The following ASXL3 variants were observed in gnomAD, a reference collection of about 807,000 sequenced individuals.
ASXL3 encodes putative Polycomb group protein ASXL3.
ASXL3 carries 34 observed loss-of-function variants against 170.6 expected under a neutral mutation model. The ratio of observed to expected loss-of-function variants is 0.20; its 90% CI spans 0.15 to 0.27. The LOEUF is 0.27. ASXL3 is among the 10% of genes least tolerant of loss of function. The probability of loss-of-function intolerance (pLI) is 1.00; values close to 1 mark genes in which losing one functional copy is unlikely to be tolerated. For synonymous variants in ASXL3, 1,002 were observed against 989.1 expected, an observed-to-expected ratio of 1.01 and a Z score of -0.24; for missense variants, 2,592 against 2,695.3, an observed-to-expected ratio of 0.96 and a Z score of 0.85.
At chr18:33,639,521 C>G (rs2065816608) in intron 2 of ASXL3, among the ~76,000 whole-genome samples, 1 of 152,082 alleles carries the variant, frequency 6.6e-6, no homozygotes, top group South Asian at 2.1e-4. Context: ...CACCTCACCT[C>G]CTATTTTAGT....
intron 8 of ASXL3, among the ~76,000 whole-genome samples, chr18:33,713,380 C>T (rs1436962601): frequency 6.7e-6 from 1 of 149,482 alleles, no homozygotes; most frequent in African/African-American, 2.5e-5. Context: ...GCCTCAGCCT[C>T]CTCAGTAGCT....
rs1336769342 is a variant in ASXL3 at position 33,743,560 on chromosome 18, G to A, written c.3712G>A (p.Val1238Ile). ...GCTTTTTAATAAAAATTCTGTCCCT[G>A]TATCTGTTTGCAGCACTGCTATATC... is the stretch of plus-strand genomic sequence containing the variant. ...PMLFNKNSVP[V>I]SVCSTAISGA... The change falls in exon 12 of 12, where the codon GTA (valine) becomes ATA (isoleucine). Residue 1238 changes from valine (V) to isoleucine (I), a missense_variant. Coordinates refer to ENST00000269197, the MANE Select transcript of ASXL3 (RefSeq NM_030632.3). The A allele has an allele frequency of 6.2e-7, 1 of 1,613,074 alleles. No homozygotes were observed. The highest frequency in any genetic ancestry group is 8.5e-7 in the Non-Finnish European group (1 of 1,179,864).
chr18:33,636,305 TCAACAA>T (rs367963281), intron 2 of ASXL3, among the ~76,000 whole-genome samples: 6 of 110,742 alleles, frequency 5.4e-5, no homozygotes, highest in African/African-American at 1.1e-4. Context: ...AACCACTGAT[TCAACAA>T]CAACAACAAC....
In ASXL3 at chr18:33,749,510, C is replaced by T. The variant is rs1364470617; in HGVS notation, c.*2915C>T. ...TTTTGGAGCAGGGGAAGGAAGAAAACTGCTATTCCCTAATCCTCCTCCTAT... is the reference window on the plus strand; with the variant it reads ...TTTTGGAGCAGGGGAAGGAAGAAAATTGCTATTCCCTAATCCTCCTCCTAT... On this transcript the variant is annotated 3_prime_UTR_variant, in exon 12 of 12. Coordinates refer to ENST00000269197, the MANE Select transcript of ASXL3 (RefSeq NM_030632.3). 1 of 151,588 alleles carries T rather than the reference C, an allele frequency of 6.6e-6. No individual in the cohort carries two copies. The highest frequency in any genetic ancestry group is 1.5e-5 in the Non-Finnish European group (1 of 67,960). 9.4% of individuals were successfully genotyped at this position (151,588 alleles called of 1,614,324 possible).
At chr18:33,688,278 A>G (rs1360584825) in intron 8 of ASXL3, among the ~76,000 whole-genome samples, 1 of 152,206 alleles carries the variant, frequency 6.6e-6, no homozygotes, top group Non-Finnish European at 1.5e-5. Flanking sequence ...AGATACTGTA[A>G]AAATCTGTTT....
chr18:33,724,574 G>C lies in ASXL3; in HGVS notation c.880-7394G>C, dbSNP rs147693543. On this transcript the variant is annotated intron_variant, in intron 8 of 11. Coordinates refer to ENST00000269197, the MANE Select transcript of ASXL3 (RefSeq NM_030632.3). ...CTATTCTGGGGAATAGTTGTTCTAT[G>C]AGATACTGATGGTTGTTCTGTGAGA... Among the ~76,000 whole-genome samples the C allele has an allele frequency of 5.9e-4, 90 of 152,128 alleles. 2 individuals are homozygous for C. The East Asian group carries it at 0.016, about 28-fold the overall frequency.
In ASXL3 at chr18:33,702,084, G is replaced by A. The variant is rs372091684; in HGVS notation, c.879+18516G>A. 1.8e-4 allele frequency among the ~76,000 whole-genome samples: 28 copies of A among 151,942 alleles called. No individual in the cohort carries two copies. In the East Asian group the frequency reaches 3.9e-3, roughly 21 times the overall value. On this transcript the variant is annotated intron_variant, in intron 8 of 11. Coordinates refer to ENST00000269197, the MANE Select transcript of ASXL3 (RefSeq NM_030632.3). ...GTTGCTCTCTCTTTATTGATGTTCC[G>A]TATTTGGTGAGACACTGTCATTATA...
chr18:33,632,869 C>T (rs1463098364), intron 2 of ASXL3, among the ~76,000 whole-genome samples: 1 of 152,124 alleles, frequency 6.6e-6, no homozygotes, highest in African/African-American at 2.4e-5. Context: ...TCCTCTGGGG[C>T]TCTCTATCAT....
chr18:33,653,996 T>G (rs978631889), intron 4 of ASXL3, among the ~76,000 whole-genome samples: 1 of 152,030 alleles, frequency 6.6e-6, no homozygotes, highest in Non-Finnish European at 1.5e-5. Context: ...TTTAGAGACC[T>G]CTTTTTCTTA....
At chr18:33,655,729 G>T (rs528414167) in intron 4 of ASXL3, among the ~76,000 whole-genome samples, 1 of 152,126 alleles carries the variant, frequency 6.6e-6, no homozygotes, top group Non-Finnish European at 1.5e-5. Context: ...TTTTCTGGCT[G>T]TATATATCCA....
In ASXL3 at chr18:33,745,914, T is replaced by TCCCCCCCCCCCCCCC; in HGVS notation, c.6071_6072insCCCCCCCCCCCCCCC (p.Pro2024_Pro2028dup). 7.5e-7 allele frequency: 1 copy of TCCCCCCCCCCCCCCC among 1,339,480 alleles called. No individual in the cohort carries two copies. Among genetic ancestry groups the TCCCCCCCCCCCCCCC allele is most frequent in the South Asian group, 1.3e-5 (1 of 79,278 alleles). The allele number at this position is 1,339,480 out of a possible 1,614,324, so 83.0% of individuals were successfully genotyped here. ...TAGTACATCCGCCGCCGCCACCGCC[T>TCCCCCCCCCCCCCCC]CCCCCTCCCCCTCCACCCTTGGCTT... is the stretch of plus-strand genomic sequence containing the variant. On this transcript the variant is annotated inframe_insertion, in exon 12 of 12. Coordinates refer to ENST00000269197, the MANE Select transcript of ASXL3 (RefSeq NM_030632.3).
rs575410542 is a variant in ASXL3, at chr18:33,692,967, G to A, written c.879+9399G>A. On this transcript the variant is annotated intron_variant, in intron 8 of 11. Coordinates refer to ENST00000269197, the MANE Select transcript of ASXL3 (RefSeq NM_030632.3). ...TTTAAGATAAAGGTGCCAGCATGGT[G>A]GGATTCTCCTGAGGCCTCTCTCCTT... 1.2e-4 allele frequency among the ~76,000 whole-genome samples: 18 copies of A among 152,266 alleles called. No individual in the cohort carries two copies. In the East Asian group the frequency reaches 3.5e-3, roughly 29 times the overall value.
chr18:33,740,367 C>T lies in ASXL3; in HGVS notation c.2963C>T (p.Thr988Ile), dbSNP rs1343578666. ...GCTAGGATAGAAGATGATCAGTCAA[C>T]CCGGAACATATCATCTAGCAGCCCA... is the stretch of plus-strand genomic sequence containing the variant. ...KRARIEDDQS[T>I]RNISSSSPPE... The change falls in exon 11 of 12, where the codon ACC becomes ATC. Residue 988 changes from threonine to isoleucine, a missense_variant. Thr to Ile is a moderately conservative substitution (Grantham distance 89, BLOSUM62 -1). Transcript: ENST00000269197. The T allele has an allele frequency of 1.2e-6, 2 of 1,609,982 alleles. No homozygotes were observed. The highest frequency in any genetic ancestry group is 3.4e-5 in the Admixed American group (2 of 59,212).
chr18:33,634,681 T>C (rs1353459678), intron 2 of ASXL3, among the ~76,000 whole-genome samples: 1 of 152,164 alleles, frequency 6.6e-6, no homozygotes, highest in Non-Finnish European at 1.5e-5. Flanking sequence ...CAGTTTATGC[T>C]CTCACTGGAG....
intron 1 of ASXL3, among the ~76,000 whole-genome samples, chr18:33,594,229 C>G (rs1488733782): frequency 1.3e-5 from 2 of 152,168 alleles, no homozygotes; most frequent in Admixed American, 6.5e-5. Flanking sequence ...TGGGAAAAAT[C>G]TAAGTAAGAC....
chr18:33,746,101 T>G lies in ASXL3; in HGVS notation c.6253T>G (p.Ser2085Ala). Residue 2085 changes from serine to alanine, a missense_variant, in exon 12 of 12, where the codon TCT (serine) becomes GCT (alanine). Ser to Ala is a moderately conservative substitution (Grantham distance 99, BLOSUM62 1). Coordinates refer to ENST00000269197, the MANE Select transcript of ASXL3 (RefSeq NM_030632.3). ...ICSNIKSEPL[S>A]FEEGLSSSCE... The stretch of plus-strand genomic sequence containing the variant: ...TAGCAATATAAAATCGGAACCTCTT[T>G]CTTTTGAGGAAGGTTTAAGCAGCAG... 1 of 1,613,618 alleles carries G rather than the reference T, an allele frequency of 6.2e-7. No individual in the cohort carries two copies. The highest frequency in any genetic ancestry group is 8.5e-7 in the Non-Finnish European group (1 of 1,179,864).
chr18:33,676,977 T>C (rs1568321960), intron 7 of ASXL3, among the ~76,000 whole-genome samples: 1 of 152,244 alleles, frequency 6.6e-6, no homozygotes, highest in Non-Finnish European at 1.5e-5. Flanking sequence ...CTAACTAAAA[T>C]GTAAGTTCCT....
At chr18:33,630,398 T>C (rs1425682265) in intron 2 of ASXL3, among the ~76,000 whole-genome samples, 3 of 151,556 alleles carry the variant, frequency 2.0e-5, no homozygotes, top group Non-Finnish European at 4.4e-5. Flanking sequence ...TTTTTTTTTC[T>C]AGAAAGCTTA....
intron 1 of ASXL3, among the ~76,000 whole-genome samples, chr18:33,603,507 ATGTATATGTCTT>A (rs2065207702): frequency 6.6e-6 from 1 of 151,976 alleles, no homozygotes; most frequent in African/African-American, 2.4e-5. Flanking sequence ...AACTGTATGA[ATGTATATGTCTT>A]TGAGATAGGC....
Sources: gnomAD v4.1 joint callset for allele counts (sites outside exome capture counted in the v4.1 genomes callset) on GRCh38, gnomAD v4.1.1 for gene constraint, MANE v1.5 for transcripts, NCBI Gene and HGNC (gene_info 2026-07-23, HGNC 2026-07-21) for gene names.